EPHA10: variants seen among roughly 807,000 people sequenced by gnomAD.
The protein encoded by EPHA10 is ephrin type-A receptor 10.
EPHA10 carries 120 observed loss-of-function variants against 109.7 expected under a neutral mutation model. The ratio of observed to expected loss-of-function variants is 1.09; its 90% CI spans 0.94 to 1.27. The LOEUF (loss-of-function observed/expected upper bound fraction) is 1.27, where lower values mean the gene tolerates loss of function less well. EPHA10 is among the 50% of genes most tolerant of loss of function. The pLI, the probability that EPHA10 is intolerant of heterozygous loss-of-function variation, is 0.00. For missense variants in EPHA10, 1,396 were observed against 1,411.1 expected (o/e 0.99, Z 0.17); for synonymous variants, 640 against 618.9 (o/e 1.03, Z -0.51).
At position 37,754,057 on chromosome 1, in the gene EPHA10, G is replaced by A. The variant is rs539520481; in HGVS notation, c.1006+158C>T. 1.3e-5 allele frequency among the ~76,000 whole-genome samples: 2 copies of A among 152,242 alleles called. No individual in the cohort carries two copies. Among genetic ancestry groups the A allele is most frequent in the South Asian group, 4.1e-4 (2 of 4,830 alleles). ...GGCCCCCAGGGCGCGTCCAGGCTCC[G>A]CTCCCCCGTACGCCGCCTTCCGGGG... On this transcript the variant is annotated intron_variant, in intron 4 of 16. Transcript: ENST00000373048. This position sits in a 1 kb window ranked among gnomAD's most constrained non-coding sequence, Gnocchi z 4.5.
intron 3 of EPHA10, among the ~76,000 whole-genome samples, chr1:37,758,871 G>C (rs893899614): frequency 1.3e-5 from 2 of 152,150 alleles, no homozygotes; most frequent in Non-Finnish European, 2.9e-5. Context: ...CAGGTCCTGT[G>C]TTCTGTACCC....
At position 37,721,679 on chromosome 1, in the gene EPHA10, C is replaced by T. The variant is rs1248188587; in HGVS notation, c.2127G>A (p.Leu709=). The T allele has an allele frequency of 2.5e-6, 4 of 1,608,026 alleles. No individual in the cohort carries two copies. The highest frequency in any genetic ancestry group is 3.4e-6 in the Non-Finnish European group (4 of 1,177,340). The change falls in exon 11 of 17, where the codon CTG becomes CTA. Residue 709 remains leucine, a synonymous_variant. Coordinates refer to ENST00000373048, the MANE Select transcript of EPHA10 (RefSeq NM_001099439.2). ...GQFDHSHIVR[L]EGVVTRGSTL... is the part of the protein sequence containing the mutation. Reference sequence around the variant, plus strand: ...CCCTACCTCGGGTAACAACGCCCTCCAGCCGCACGATGTGGCTATGGTCAA... The same window carrying T: ...CCCTACCTCGGGTAACAACGCCCTCTAGCCGCACGATGTGGCTATGGTCAA...
At chr1:37,720,185 T>C in intron 13 of EPHA10, 127 bp from the exon 14 acceptor site, 1 of 1,429,712 alleles carries the variant, frequency 7.0e-7, no homozygotes, top group Admixed American at 2.3e-5. Flanking sequence ...GCTTCACATC[T>C]GGGAAAGACA....
chr1:37,726,220 G>A (rs1485895498), intron 8 of EPHA10, among the ~76,000 whole-genome samples: 2 of 152,216 alleles, frequency 1.3e-5, no homozygotes, highest in African/African-American at 4.8e-5. Context: ...CCAGCACATG[G>A]ACCCTTCATG....
chr1:37,765,085 T>TCA lies in EPHA10; in HGVS notation c.-21_-20dup. The TCA allele has an allele frequency of 1.3e-6, 2 of 1,573,302 alleles. No homozygotes were observed. Among genetic ancestry groups the TCA allele is most frequent in the Non-Finnish European group, 1.7e-6 (2 of 1,163,818 alleles). On this transcript the variant is annotated 5_prime_UTR_variant, in exon 1 of 17. Transcript: ENST00000373048. ...TCTCCATGGTCCGCAGACCGAGCTGTCAGTCCGGCGGCGGCTCAAGCCGCG... is the reference window on the plus strand; with the variant it reads ...TCTCCATGGTCCGCAGACCGAGCTGTCACAGTCCGGCGGCGGCTCAAGCCGCG...
At chr1:37,749,066 G>T (rs1646283649) in intron 5 of EPHA10, among the ~76,000 whole-genome samples, 2 of 151,734 alleles carry the variant, frequency 1.3e-5, no homozygotes, top group Admixed American at 1.3e-4. Flanking sequence ...AGGATTACAG[G>T]TGTGCACCAC....
rs535913803 is a variant in EPHA10 at position 37,716,549 on chromosome 1, G to A, written c.*1823C>T. On this transcript the variant is annotated 3_prime_UTR_variant, in exon 17 of 17. Coordinates refer to ENST00000373048, the MANE Select transcript of EPHA10 (RefSeq NM_001099439.2). ...CTGGGGCAGGTGCTCAGGAGACAGG[G>A]AGGCAGGGGGCTGGGGGGAGATTCC... 4.5e-5 allele frequency: 10 copies of A among 220,998 alleles called. No homozygotes were observed. The highest frequency in any genetic ancestry group is 8.8e-5 in the Non-Finnish European group (10 of 113,650). 13.7% of individuals were successfully genotyped at this position (220,998 alleles called of 1,614,324 possible).
chr1:37,747,136 C>T (rs1646252889), intron 5 of EPHA10, among the ~76,000 whole-genome samples: 1 of 152,148 alleles, frequency 6.6e-6, no homozygotes, highest in Admixed American at 6.5e-5. Context: ...CCTTATAATA[C>T]TAACAATGTG....
rs576061241 is a variant in EPHA10, at chr1:37,735,872, GAA to G, written c.1358-484_1358-483del. Among the ~76,000 whole-genome samples, 18 of 152,268 alleles carry G rather than the reference GAA, an allele frequency of 1.2e-4. No homozygotes were observed. In the East Asian group the frequency reaches 3.5e-3, roughly 29 times the overall value. The stretch of plus-strand genomic sequence containing the variant: ...TCCCAAAAGAATAAAGGCCATATAT[GAA>G]AAGCCTACAGTGAGCATCATACCCA... On this transcript the variant is annotated intron_variant, in intron 5 of 16. Coordinates refer to ENST00000373048, the MANE Select transcript of EPHA10 (RefSeq NM_001099439.2).
At chr1:37,721,992 A>C in intron 10 of EPHA10, 147 bp from the exon 11 acceptor site, 2 of 718,520 alleles carry the variant, frequency 2.8e-6, no homozygotes, top group Non-Finnish European at 4.3e-6. Context: ...TTAACCAGAC[A>C]AGGTGGCACA....
chr1:37,757,821 G>C (rs1051921094), intron 3 of EPHA10, among the ~76,000 whole-genome samples: 4 of 152,140 alleles, frequency 2.6e-5, no homozygotes, highest in African/African-American at 9.7e-5. Flanking sequence ...CTGTCCATTT[G>C]TACAGATGCC....
intron 5 of EPHA10, among the ~76,000 whole-genome samples, chr1:37,741,386 A>G (rs949335122): frequency 6.6e-6 from 1 of 152,218 alleles, no homozygotes; most frequent in Non-Finnish European, 1.5e-5. Context: ...ATAGTAATAA[A>G]GCAAGAAAGT....
At chr1:37,736,344 G>A (rs1031278319) in intron 5 of EPHA10, among the ~76,000 whole-genome samples, 8 of 152,134 alleles carry the variant, frequency 5.3e-5, no homozygotes, top group African/African-American at 1.9e-4. Context: ...AGGCATGGTG[G>A]TACATGCCTG....
chr1:37,760,349 G>C, intron 3 of EPHA10: 2 of 1,049,928 alleles, frequency 1.9e-6, no homozygotes, highest in Non-Finnish European at 2.3e-6. Context: ...TGTATCCAAA[G>C]CCACAGGCAA....
At chr1:37,730,735 A>C (rs982614835) in intron 7 of EPHA10, among the ~76,000 whole-genome samples, 4 of 151,972 alleles carry the variant, frequency 2.6e-5, no homozygotes, top group Non-Finnish European at 5.9e-5. Flanking sequence ...TCTGTGACCT[A>C]GGCTGGAACG....
chr1:37,717,654 G>C lies in EPHA10; in HGVS notation c.*718C>G, dbSNP rs143221316. 2 of 231,500 alleles carry C rather than the reference G, an allele frequency of 8.6e-6. No individual in the cohort carries two copies. Among genetic ancestry groups the C allele is most frequent in the Non-Finnish European group, 1.7e-5 (2 of 117,038 alleles). 14.3% of individuals were successfully genotyped at this position (231,500 alleles called of 1,614,324 possible). A position where few individuals can be genotyped will look rare whatever the true frequency, so the allele number is the denominator to read the frequency against. On this transcript the variant is annotated 3_prime_UTR_variant, in exon 17 of 17. Coordinates refer to ENST00000373048, the MANE Select transcript of EPHA10 (RefSeq NM_001099439.2). ...CACACGAGGGCCTCATGGGGCCCCA[G>C]GGAGCACCAGGGCCTCTCATGGCCC...
intron 6 of EPHA10, among the ~76,000 whole-genome samples, chr1:37,731,872 G>C (rs1027325222): frequency 2.0e-5 from 3 of 152,206 alleles, no homozygotes; most frequent in African/African-American, 7.2e-5. Context: ...TCCTTCCGGG[G>C]GATGATAGGA....
At position 37,721,073 on chromosome 1, in the gene EPHA10, A is replaced by C. The variant is rs535783995; in HGVS notation, c.2147-229T>G. Among the ~76,000 whole-genome samples, 6 of 152,224 alleles carry C rather than the reference A, an allele frequency of 3.9e-5. No individual in the cohort carries two copies. In the East Asian group the frequency reaches 1.2e-3, roughly 29 times the overall value. On this transcript the variant is annotated intron_variant, in intron 11 of 16. Transcript: ENST00000373048. ...GTCATGAGCTGCAACAAGCTTGCTA[A>C]GAAAGATCACTCTTTCTAGGAGTGA...
At chr1:37,760,869 A>C (rs949434952) in intron 3 of EPHA10, 1 of 182,468 alleles carries the variant, frequency 5.5e-6, no homozygotes, top group Admixed American at 6.2e-5. Context: ...GGATCACTTG[A>C]GGTCAGGAGT....
Sources: allele counts gnomAD v4.1 joint callset (sites outside exome capture counted in the v4.1 genomes callset), GRCh38; gene constraint gnomAD v4.1.1; non-coding constraint Gnocchi (gnomAD v3.1); transcripts MANE v1.5; gene names NCBI Gene and HGNC (gene_info 2026-07-23, HGNC 2026-07-21).